Variants in PTH2R observed in about 807,000 individuals in gnomAD.
PTH2R encodes the protein PTH2 receptor.
A neutral mutation model predicts 60.3 loss-of-function variants in PTH2R; 59 were observed. The observed-to-expected ratio is 0.98, with a 90% CI of 0.79 to 1.22. PTH2R has a LOEUF of 1.22. PTH2R is among the 50% of genes most tolerant of loss of function. PTH2R has a pLI of 0.00. For synonymous variants in PTH2R, 256 were observed against 243.8 expected, an observed-to-expected ratio of 1.05 and a Z score of -0.47; for missense variants, 749 against 682.6, an observed-to-expected ratio of 1.10 and a Z score of -1.08.
At chr2:208,460,661 A>G (rs892078172) in intron 9 of PTH2R, among the ~76,000 whole-genome samples, 2 of 152,110 alleles carry the variant, frequency 1.3e-5, no homozygotes, top group African/African-American at 4.8e-5. Flanking sequence ...ATCTAATAAA[A>G]CTTATCAAAA....
chr2:208,369,662 C>G (rs572517970), intron 1 of PTH2R, among the ~76,000 whole-genome samples: 1 of 152,084 alleles, frequency 6.6e-6, no homozygotes, highest in South Asian at 2.1e-4. Flanking sequence ...CTGGCCTGGT[C>G]TCATTTTTAT....
In PTH2R at chr2:208,437,763, T is replaced by A; in HGVS notation, c.293T>A (p.Val98Asp). Residue 98 changes from valine (V) to aspartate (D), a missense_variant, in exon 4 of 13, where the codon GTT becomes GAT. Physicochemically the swap from Val to Asp is radical, Grantham distance 152. Coordinates refer to ENST00000272847, the MANE Select transcript of PTH2R (RefSeq NM_005048.4). The part of the protein sequence containing the change: ...PYIYDFNHKG[V>D]AFRHCNPNGT... ...AGCATCTTTCATGTCTTTACAGGAGTTGCTTTCCGACACTGTAACCCCAAT... is the reference window on the plus strand; with the variant it reads ...AGCATCTTTCATGTCTTTACAGGAGATGCTTTCCGACACTGTAACCCCAAT... The A allele has an allele frequency of 6.2e-7, 1 of 1,611,928 alleles. No homozygotes were observed. The highest frequency in any genetic ancestry group is 8.5e-7 in the Non-Finnish European group (1 of 1,178,198).
upstream of PTH2R, among the ~76,000 whole-genome samples, chr2:208,406,312 C>CT (rs1046632748): frequency 6.6e-6 from 1 of 152,032 alleles, no homozygotes; most frequent in African/African-American, 2.4e-5. Flanking sequence ...ACACAAAGAA[C>CT]TTTTGACCCA....
At position 208,369,267 on chromosome 2, in the gene PTH2R, A is replaced by G. The variant is rs59863990; in HGVS notation, c.-259+9030A>G. Reference sequence around the variant, plus strand: ...TGGAAGTGAAGATGTGCAGATGCCAACATGATTGATGATAAGGGTTGTGAA... The same window carrying G: ...TGGAAGTGAAGATGTGCAGATGCCAGCATGATTGATGATAAGGGTTGTGAA... On this transcript the variant is annotated intron_variant, in intron 1 of 12. Coordinates refer to the PTH2R transcript ENST00000617735. Among the ~76,000 whole-genome samples the G allele has an allele frequency of 3.4e-3, 520 of 152,200 alleles. 7 individuals are homozygous for G. Among genetic ancestry groups the G allele is most frequent in the African/African-American group, 0.012 (503 of 41,458 alleles).
chr2:208,442,659 A>C (rs759702838), intron 5 of PTH2R, among the ~76,000 whole-genome samples, 198 bp downstream of exon 5: 2 of 152,216 alleles, frequency 1.3e-5, no homozygotes, highest in Non-Finnish European at 2.9e-5. Flanking sequence ...TTAAAGTATC[A>C]AAGTAGTATG....
At chr2:208,370,870 T>A (rs747564057) in intron 1 of PTH2R, among the ~76,000 whole-genome samples, 2 of 151,994 alleles carry the variant, frequency 1.3e-5, no homozygotes, top group African/African-American at 2.4e-5. Context: ...GCAGGGTGTA[T>A]AGGCATGGCA....
chr2:208,368,523 GT>G (rs1700636458), intron 1 of PTH2R, among the ~76,000 whole-genome samples: 1 of 148,430 alleles, frequency 6.7e-6, no homozygotes, highest in African/African-American at 2.5e-5. Context: ...TTTTTTTTTT[GT>G]TTTTGTTTTT....
chr2:208,419,407 T>G (rs1484426311), intron 1 of PTH2R, among the ~76,000 whole-genome samples: 4 of 152,256 alleles, frequency 2.6e-5, no homozygotes, highest in African/African-American at 4.8e-5. Flanking sequence ...GAGTTCATTG[T>G]AGATTCTGGA....
At chr2:208,362,826 C>G (rs1700503545) in intron 1 of PTH2R, among the ~76,000 whole-genome samples, 1 of 124,924 alleles carries the variant, frequency 8.0e-6, no homozygotes, top group East Asian at 2.6e-4. Flanking sequence ...ACATCCATAC[C>G]AACACTTATT....
chr2:208,386,176 C>G (rs1443811284), intron 1 of PTH2R, among the ~76,000 whole-genome samples: 7 of 152,298 alleles, frequency 4.6e-5, no homozygotes, highest in Non-Finnish European at 8.8e-5. Context: ...TTGTGCTCAT[C>G]ATCATACTCA....
At position 208,437,446 on chromosome 2, in the gene PTH2R, G is replaced by A. The variant is rs188598099; in HGVS notation, c.179-91G>A. On this transcript the variant is annotated intron_variant, in intron 2 of 12. Coordinates refer to ENST00000272847, the MANE Select transcript of PTH2R (RefSeq NM_005048.4). ...TTGTTTTAATTTTGCTACAGACAAT[G>A]ACCTAAAATTTTGTTTTTTGAATGC... 667 of 946,024 alleles carry A rather than the reference G, an allele frequency of 7.1e-4. 3 individuals are homozygous for A. Among genetic ancestry groups the A allele is most frequent in the Admixed American group, 2.5e-3 (88 of 35,918 alleles). The allele number at this position is 946,024 out of a possible 1,614,324, so 58.6% of individuals were successfully genotyped here.
At chr2:208,428,467 C>G (rs931456401) in intron 2 of PTH2R, among the ~76,000 whole-genome samples, 164 bp downstream of exon 2, 1 of 152,178 alleles carries the variant, frequency 6.6e-6, no homozygotes, top group Non-Finnish European at 1.5e-5. Context: ...TCATCTCTAC[C>G]CTACATGCTT....
chr2:208,426,123 G>GA (rs902590677), intron 1 of PTH2R, among the ~76,000 whole-genome samples: 1 of 152,114 alleles, frequency 6.6e-6, no homozygotes, highest in Admixed American at 6.5e-5. Context: ...TAATTATGAA[G>GA]ATTTTCATGT....
rs1574893578 is a variant in PTH2R at position 208,460,069 on chromosome 2, T to C, written c.981+108T>C. 5.4e-6 allele frequency: 5 copies of C among 920,406 alleles called. No individual in the cohort carries two copies. The East Asian group carries it at 9.8e-5, about 18-fold the overall frequency. The allele number at this position is 920,406 out of a possible 1,614,324, so 57.0% of individuals were successfully genotyped here. On this transcript the variant is annotated intron_variant, in intron 9 of 12. Coordinates refer to ENST00000272847, the MANE Select transcript of PTH2R (RefSeq NM_005048.4). Reference sequence around the variant, plus strand: ...GCATTCTACAACAGATCTGAGAAACTGACAAGTACAGCAACATCTATTGGG... The same window carrying C: ...GCATTCTACAACAGATCTGAGAAACCGACAAGTACAGCAACATCTATTGGG...
chr2:208,367,800 C>G (rs1700621724), intron 1 of PTH2R, among the ~76,000 whole-genome samples: 1 of 152,146 alleles, frequency 6.6e-6, no homozygotes, highest in South Asian at 2.1e-4. Context: ...CCCTTTGTTT[C>G]CAATATGTTG....
At chr2:208,404,169 G>A (rs1701357916), upstream of PTH2R, among the ~76,000 whole-genome samples, 1 of 152,120 alleles carries the variant, frequency 6.6e-6, no homozygotes, top group African/African-American at 2.4e-5. Context: ...CTTGAGTTGG[G>A]GCTGTTAGTT....
intron 2 of PTH2R, among the ~76,000 whole-genome samples, chr2:208,436,351 T>A (rs1490158526): frequency 6.6e-6 from 1 of 152,166 alleles, no homozygotes; most frequent in East Asian, 1.9e-4. Context: ...TATAAAAACT[T>A]ATGTTTTGAT....
chr2:208,487,086 C>A (rs929880601), intron 10 of PTH2R, among the ~76,000 whole-genome samples: 1 of 152,160 alleles, frequency 6.6e-6, no homozygotes, highest in Non-Finnish European at 1.5e-5. Flanking sequence ...ATGATTTCAA[C>A]ATGATTTTAT....
chr2:208,371,755 T>C (rs1166819456), intron 1 of PTH2R, among the ~76,000 whole-genome samples: 3 of 152,126 alleles, frequency 2.0e-5, no homozygotes, highest in Admixed American at 6.5e-5. Flanking sequence ...TGAGTCATCA[T>C]AGGTTGCAAA....
Sources: gnomAD v4.1 joint callset for allele counts (sites outside exome capture counted in the v4.1 genomes callset) on GRCh38, gnomAD v4.1.1 for gene constraint, MANE v1.5 for transcripts, NCBI Gene and HGNC (gene_info 2026-07-23, HGNC 2026-07-21) for gene names.